PRSS23: variants seen among roughly 807,000 people sequenced by gnomAD.
The protein encoded by PRSS23 is protease, serine 23.
In PRSS23, 25 loss-of-function variants were observed where a neutral mutation model predicts 34.7. That is an observed-to-expected ratio of 0.72 (90% CI 0.53 to 1.01). The LOEUF is 1.01. PRSS23 is among the 50% of genes least tolerant of loss of function. PRSS23 has a pLI of 0.00. For synonymous variants in PRSS23, 176 were observed against 186.6 expected (o/e 0.94, Z 0.46); for missense variants, 445 against 475.6 (o/e 0.94, Z 0.60).
At chr11:86,934,531 C>T (rs1949148389) in intron 2 of PRSS23, 1 of 152,194 alleles carries the variant, frequency 6.6e-6, no homozygotes, top group Non-Finnish European at 1.5e-5. Context: ...GGGATAGTGT[C>T]ATGTGACTGG....
intron 2 of PRSS23, among the ~76,000 whole-genome samples, chr11:86,873,956 G>A (rs576487287): frequency 6.6e-6 from 1 of 152,164 alleles, no homozygotes; most frequent in Non-Finnish European, 1.5e-5. Flanking sequence ...TGAGTCCTAT[G>A]AGCAGTTCTG....
Position 86,808,394 on chromosome 11 carries a change from G to C in PRSS23, c.751G>C (p.Glu251Gln). Reference sequence around the variant, plus strand: ...CATGGATTATGATTATGCCCTCCTGGAACTCAAAAAGCCCCACAAGAGAAA... The same window carrying C: ...CATGGATTATGATTATGCCCTCCTGCAACTCAAAAAGCCCCACAAGAGAAA... ...IGMDYDYALL[E>Q]LKKPHKRKFM... is the part of the protein sequence containing the mutation. Residue 251 changes from glutamate to glutamine, a missense_variant, in exon 2 of 2, where the codon GAA (glutamate) becomes CAA (glutamine). Physicochemically the swap from Glu to Gln is conservative, Grantham distance 29. Coordinates refer to ENST00000280258, the MANE Select transcript of PRSS23 (RefSeq NM_007173.6). 6.2e-7 allele frequency: 1 copy of C among 1,614,190 alleles called. No individual in the cohort carries two copies. The highest frequency in any genetic ancestry group is 1.6e-4 in the Middle Eastern group (1 of 6,062).
At chr11:86,897,791 A>G (rs943490427) in intron 2 of PRSS23, among the ~76,000 whole-genome samples, 1 of 152,224 alleles carries the variant, frequency 6.6e-6, no homozygotes, top group South Asian at 2.1e-4. Flanking sequence ...TCTTGCCATC[A>G]TCATCTTCAA....
intron 1 of PRSS23, among the ~76,000 whole-genome samples, chr11:86,802,909 C>T (rs1387131336): frequency 6.6e-6 from 1 of 152,130 alleles, no homozygotes. Flanking sequence ...GCAGCATCCT[C>T]AAAAAGTATA....
chr11:86,852,892 C>T (rs1239189559), intron 2 of PRSS23, among the ~76,000 whole-genome samples: 8 of 152,154 alleles, frequency 5.3e-5, no homozygotes, highest in Non-Finnish European at 8.8e-5. Flanking sequence ...CTTTCTCTGT[C>T]GCCCAGGCTG....
Position 86,808,492 on chromosome 11 carries a change from C to G in PRSS23, c.849C>G (p.Asp283Glu). The G allele has an allele frequency of 6.2e-7, 1 of 1,614,228 alleles. No individual in the cohort carries two copies. The highest frequency in any genetic ancestry group is 8.5e-7 in the Non-Finnish European group (1 of 1,180,040). ...GCAGAATTCACTTCTCTGGTTATGA[C>G]AATGACCGACCAGGCAATTTGGTGT... The part of the protein sequence containing the change: ...PGGRIHFSGY[D>E]NDRPGNLVYR... Residue 283 changes from aspartate (D) to glutamate (E), a missense_variant, in exon 2 of 2, where the codon GAC becomes GAG. Coordinates refer to ENST00000280258, the MANE Select transcript of PRSS23 (RefSeq NM_007173.6).
intron 2 of PRSS23, among the ~76,000 whole-genome samples, chr11:86,865,946 G>C (rs1012877363): frequency 6.6e-6 from 1 of 152,180 alleles, no homozygotes; most frequent in Non-Finnish European, 1.5e-5. Flanking sequence ...AGGCCTGAGA[G>C]ACTGGGCATC....
chr11:86,880,130 T>G (rs1025439540), intron 2 of PRSS23, among the ~76,000 whole-genome samples: 6 of 152,214 alleles, frequency 3.9e-5, no homozygotes, highest in African/African-American at 1.4e-4. Flanking sequence ...GTGATCCTGT[T>G]GATCGGTGAC....
chr11:86,879,114 C>T (rs1209544906), intron 2 of PRSS23, among the ~76,000 whole-genome samples: 12 of 149,594 alleles, frequency 8.0e-5, no homozygotes, highest in Admixed American at 8.0e-4. Context: ...CTCTTCCCGG[C>T]CGCCATCCCG....
At chr11:86,840,074 T>C (rs1437062244) in intron 2 of PRSS23, among the ~76,000 whole-genome samples, 2 of 151,976 alleles carry the variant, frequency 1.3e-5, no homozygotes, top group East Asian at 3.9e-4. Flanking sequence ...AACATCATAA[T>C]GACAGGATCA....
At chr11:86,802,785 C>G (rs935537731) in intron 1 of PRSS23, among the ~76,000 whole-genome samples, 1 of 152,296 alleles carries the variant, frequency 6.6e-6, no homozygotes, top group East Asian at 1.9e-4. Context: ...TTGCAGTTTT[C>G]AAGACTAAGG....
intron 2 of PRSS23, among the ~76,000 whole-genome samples, chr11:86,903,380 G>A (rs1490399735): frequency 6.6e-6 from 1 of 152,100 alleles, no homozygotes; most frequent in African/African-American, 2.4e-5. Context: ...GCGATGTATG[G>A]GCTGAGCCTC....
intron 2 of PRSS23, among the ~76,000 whole-genome samples, chr11:86,917,959 T>TC (rs1949024655): frequency 6.6e-6 from 1 of 152,184 alleles, no homozygotes; most frequent in South Asian, 2.1e-4. Flanking sequence ...CAGAAACAAA[T>TC]TATTTCAATA....
chr11:86,812,455 C>T (rs534905289), downstream of PRSS23, among the ~76,000 whole-genome samples: 1 of 152,268 alleles, frequency 6.6e-6, no homozygotes, highest in South Asian at 2.1e-4. Flanking sequence ...TCTGGGGTTC[C>T]CCCCGGAGGA....
chr11:86,840,711 T>G (rs1267871001), intron 2 of PRSS23, among the ~76,000 whole-genome samples: 3 of 152,210 alleles, frequency 2.0e-5, no homozygotes, highest in Non-Finnish European at 4.4e-5. Flanking sequence ...TAATTGGAAG[T>G]AAAACACTCC....
chr11:86,938,548 C>T (rs750339491), intron 2 of PRSS23, among the ~76,000 whole-genome samples: 4 of 151,998 alleles, frequency 2.6e-5, no homozygotes, highest in African/African-American at 9.7e-5. Flanking sequence ...TAGGGTGTGT[C>T]TGAGGAAGAG....
chr11:86,875,663 C>T (rs762654476), intron 2 of PRSS23, among the ~76,000 whole-genome samples: 43 of 152,154 alleles, frequency 2.8e-4, no homozygotes, highest in Non-Finnish European at 7.3e-5. Flanking sequence ...TAAGCAACTG[C>T]GTAATATAGA....
chr11:86,906,416 C>G (rs1226657251), intron 2 of PRSS23, among the ~76,000 whole-genome samples: 1 of 152,260 alleles, frequency 6.6e-6, no homozygotes, highest in Non-Finnish European at 1.5e-5. Flanking sequence ...CTCGCTTTCG[C>G]CCAGCTGCCC....
At chr11:86,898,876 G>GC (rs915812333) in intron 2 of PRSS23, among the ~76,000 whole-genome samples, 1 of 152,182 alleles carries the variant, frequency 6.6e-6, no homozygotes, top group Non-Finnish European at 1.5e-5. Context: ...GTAGTCATGG[G>GC]CACTCATCTA....
Sources: allele counts gnomAD v4.1 joint callset (sites outside exome capture counted in the v4.1 genomes callset), GRCh38; gene constraint gnomAD v4.1.1; transcripts MANE v1.5; gene names NCBI Gene and HGNC (gene_info 2026-07-23, HGNC 2026-07-21).